Variants in GTF3C2 observed in about 807,000 individuals in gnomAD.
The protein encoded by GTF3C2 is general transcription factor 3C polypeptide 2.
GTF3C2 carries 17 observed loss-of-function variants against 117.4 expected under a neutral mutation model. That is an observed-to-expected ratio of 0.14 (90% CI 0.10 to 0.22). GTF3C2 has a LOEUF of 0.22. GTF3C2 is among the 10% of genes least tolerant of loss of function. The probability of loss-of-function intolerance (pLI) is 1.00; values close to 1 mark genes in which losing one functional copy is unlikely to be tolerated. For missense variants in GTF3C2, 888 were observed against 1,143.6 expected, an observed-to-expected ratio of 0.78 and a Z score of 3.22; for synonymous variants, 437 against 427.0, an observed-to-expected ratio of 1.02 and a Z score of -0.29.
At chr2:27,330,636 C>G (rs745593148) in intron 12 of GTF3C2, among the ~76,000 whole-genome samples, 13 of 151,942 alleles carry the variant, frequency 8.6e-5, no homozygotes, top group Non-Finnish European at 1.5e-4. Flanking sequence ...TTGAGACCAG[C>G]CTGGGCAATA....
exon 19 of GTF3C2, chr2:27,326,690 A>G (rs1339947149): frequency 6.2e-7 from 1 of 1,613,698 alleles, no homozygotes; most frequent in East Asian, 2.2e-5. Flanking sequence ...GAGTGGGCAG[A>G]AGGCGATGGC....
chr2:27,344,772 C>T (rs972082158), intron 1 of GTF3C2, among the ~76,000 whole-genome samples: 1 of 151,828 alleles, frequency 6.6e-6, no homozygotes, highest in South Asian at 2.1e-4. Context: ...CTGCTTGAGG[C>T]CAGGAGTTCA....
At position 27,342,237 on chromosome 2, in the gene GTF3C2, T is replaced by C; in HGVS notation, c.570-4A>G. Reference sequence around the variant, plus strand: ...TTCCTGAAGATACAGAAGTGCCCTGTGGGAACGGACAGAGTCAGAGCCATT... The same window carrying C: ...TTCCTGAAGATACAGAAGTGCCCTGCGGGAACGGACAGAGTCAGAGCCATT... On this transcript the variant is annotated splice_region_variant and splice_polypyrimidine_tract_variant and intron_variant, in intron 3 of 18. Transcript: ENST00000264720. 4 of 1,604,164 alleles carry C rather than the reference T, an allele frequency of 2.5e-6. No homozygotes were observed. The highest frequency in any genetic ancestry group is 3.4e-6 in the Non-Finnish European group (4 of 1,172,370).
exon 19 of GTF3C2, chr2:27,326,618 C>T (rs1680079991): frequency 7.7e-7 from 1 of 1,292,008 alleles, no homozygotes; most frequent in Admixed American, 1.8e-5. Flanking sequence ...TGGCTCTGTG[C>T]ATAGGGGCCA....
chr2:27,353,769 G>T (rs887099974), intron 1 of GTF3C2, among the ~76,000 whole-genome samples: 2 of 152,102 alleles, frequency 1.3e-5, no homozygotes, highest in African/African-American at 4.8e-5. Flanking sequence ...ACCCAGGCTG[G>T]AATGCAGTAG....
intron 14 of GTF3C2, 21 bp from the exon 15 acceptor site, chr2:27,328,952 T>G (rs1276036964): frequency 1.3e-6 from 2 of 1,547,462 alleles, no homozygotes; most frequent in East Asian, 4.5e-5. Context: ...AGAAATAAAT[T>G]TAAACCTTCC....
intron 5 of GTF3C2, 115 bp from the exon 6 acceptor site, chr2:27,337,673 T>C (rs1572571737): frequency 1.3e-6 from 1 of 792,620 alleles, no homozygotes; most frequent in Non-Finnish European, 2.2e-6. Flanking sequence ...AATATGCCAG[T>C]TGCTAGCTCC....
exon 8 of GTF3C2, chr2:27,336,264 C>T (rs887021844): frequency 6.2e-7 from 1 of 1,614,140 alleles, no homozygotes; most frequent in Non-Finnish European, 8.5e-7. Flanking sequence ...ATGAAGCTGG[C>T]TCAGTGGGTG....
chr2:27,337,709 T>C (rs1468314605), intron 5 of GTF3C2, 151 bp from the exon 6 acceptor site: 1 of 701,122 alleles, frequency 1.4e-6, no homozygotes, highest in Non-Finnish European at 2.5e-6. Flanking sequence ...ACCTAAAATG[T>C]GGCTAGCGCA....
At chr2:27,336,020 T>C (rs746503488) in exon 9 of GTF3C2, 12 of 1,607,676 alleles carry the variant, frequency 7.5e-6, no homozygotes, top group South Asian at 3.3e-5. Flanking sequence ...GTGGGCCCTG[T>C]TGCCAGGACT....
At position 27,337,236 on chromosome 2, in the gene GTF3C2, A is replaced by T; in HGVS notation, c.1127+8T>A. The stretch of plus-strand genomic sequence containing the variant: ...AATCAGAAAAAAGGGCGGATGTGCA[A>T]TCTTCACCTGTTTATTCGGTAGAGG... On this transcript the variant is annotated splice_region_variant and intron_variant, in intron 7 of 18. Transcript: ENST00000264720. The T allele has an allele frequency of 6.5e-7, 1 of 1,546,248 alleles. No individual in the cohort carries two copies. The highest frequency in any genetic ancestry group is 8.9e-7 in the Non-Finnish European group (1 of 1,122,934).
At chr2:27,337,437 TGGTGTCACC>T in intron 6 of GTF3C2, 35 bp downstream of exon 6, 1 of 1,478,410 alleles carries the variant, frequency 6.8e-7, no homozygotes, top group Non-Finnish European at 9.5e-7. Flanking sequence ...TCGTCTCCAG[TGGTGTCACC>T]CTTCCTAAGC....
At chr2:27,335,874 G>A (rs1338398397) in intron 9 of GTF3C2, 43 bp downstream of exon 9, 1 of 1,348,624 alleles carries the variant, frequency 7.4e-7, no homozygotes, top group Non-Finnish European at 1.1e-6. Flanking sequence ...TCTTTGTCCT[G>A]GCTTTGAGTC....
At chr2:27,342,079 C>A in exon 4 of GTF3C2, 1 of 1,614,162 alleles carries the variant, frequency 6.2e-7, no homozygotes, top group Non-Finnish European at 8.5e-7. Context: ...TCCCGTGGAG[C>A]ACCATCCACC....
chr2:27,356,499 G>A lies in GTF3C2; in HGVS notation c.-25+240C>T, dbSNP rs139058603. ...CACAGGCTTCCGCGTTACCGACACC[G>A]CGTGGGGGAGGAGGGCAAGACCCGA... On this transcript the variant is annotated intron_variant, in intron 1 of 18. Coordinates refer to ENST00000264720, the Ensembl canonical transcript of GTF3C2. 1.6e-3 allele frequency: 374 copies of A among 232,682 alleles called. 2 individuals are homozygous for A. The highest frequency in any genetic ancestry group is 7.9e-3 in the African/African-American group (360 of 45,604). The allele number at this position is 232,682 out of a possible 1,614,324, so 14.4% of individuals were successfully genotyped here. A position where few individuals can be genotyped will look rare whatever the true frequency, so the allele number is the denominator to read the frequency against.
In GTF3C2 at chr2:27,329,169, A is replaced by G; in HGVS notation, c.1991T>C (p.Leu664Pro). The G allele has an allele frequency of 6.2e-7, 1 of 1,614,152 alleles. No individual in the cohort carries two copies. The highest frequency in any genetic ancestry group is 8.5e-7 in the Non-Finnish European group (1 of 1,180,006). Residue 664 changes from leucine to proline, a missense_variant, in exon 14 of 19, where the codon CTG becomes CCG. Leu to Pro is a moderately conservative substitution (Grantham distance 98). This residue lies in a region of GTF3C2 where 277 missense variants were observed against 445.4 expected (regional missense o/e 0.62). Coordinates refer to ENST00000264720, the Ensembl canonical transcript of GTF3C2. This position sits in a 1 kb window ranked among gnomAD's most constrained non-coding sequence, Gnocchi z 4.5. Reference sequence around the variant, plus strand: ...CACAGTGACACCATTGTAGGGAAGCAGCCAGGCCAGTTCTGTACTCAAGAA... The same window carrying G: ...CACAGTGACACCATTGTAGGGAAGCGGCCAGGCCAGTTCTGTACTCAAGAA...
chr2:27,336,116 C>T, intron 8 of GTF3C2, 82 bp downstream of exon 8: 1 of 1,412,054 alleles, frequency 7.1e-7, no homozygotes, highest in Non-Finnish European at 1.0e-6. Context: ...CAGCCCAATC[C>T]AAGCCCTTCC....
chr2:27,328,372 G>C, intron 16 of GTF3C2, 96 bp downstream of exon 16: 1 of 1,314,158 alleles, frequency 7.6e-7, no homozygotes, highest in Non-Finnish European at 1.1e-6. Flanking sequence ...GGGATATCAG[G>C]GCCGGGAGAC....
At chr2:27,338,703 A>AT (rs1395489151) in intron 4 of GTF3C2, among the ~76,000 whole-genome samples, 9 of 150,278 alleles carry the variant, frequency 6.0e-5, no homozygotes, top group African/African-American at 2.2e-4. Context: ...CACCTGGCTA[A>AT]TTTTTTTGTA....
Sources: allele counts gnomAD v4.1 joint callset (sites outside exome capture counted in the v4.1 genomes callset), GRCh38; gene constraint gnomAD v4.1.1; regional missense constraint gnomAD v4.1.1; non-coding constraint Gnocchi (gnomAD v3.1); transcripts MANE v1.5; gene names NCBI Gene and HGNC (gene_info 2026-07-23, HGNC 2026-07-21).